Variants in PTPRK observed in about 807,000 individuals in gnomAD.
The protein encoded by PTPRK is receptor-type tyrosine-protein phosphatase kappa.
In PTPRK, 75 loss-of-function variants were observed where a neutral mutation model predicts 178.0. That is an observed-to-expected ratio of 0.42 (90% CI 0.35 to 0.51). The LOEUF (loss-of-function observed/expected upper bound fraction) is 0.51, where lower values mean the gene tolerates loss of function less well. PTPRK is among the 20% of genes least tolerant of loss of function. The probability of loss-of-function intolerance (pLI) is 0.02; values close to 1 mark genes in which losing one functional copy is unlikely to be tolerated. For missense variants in PTPRK, 1,441 were observed against 1,797.8 expected, an observed-to-expected ratio of 0.80 and a Z score of 3.59; for synonymous variants, 637 against 620.6, an observed-to-expected ratio of 1.03 and a Z score of -0.39.
chr6:128,199,129 CA>C (rs1371584691), intron 6 of PTPRK, among the ~76,000 whole-genome samples: 2 of 152,080 alleles, frequency 1.3e-5, no homozygotes, highest in Non-Finnish European at 2.9e-5. Flanking sequence ...CGTGCTACCC[CA>C]AAATGATCCC....
At chr6:128,200,239 A>C (rs1336262940) in intron 6 of PTPRK, among the ~76,000 whole-genome samples, 1 of 152,198 alleles carries the variant, frequency 6.6e-6, no homozygotes, top group Admixed American at 6.5e-5. Context: ...CTGTTAGTTC[A>C]GAGAAAAATT....
chr6:128,058,265 C>A (rs146147558), intron 13 of PTPRK, among the ~76,000 whole-genome samples: 128 of 152,242 alleles, frequency 8.4e-4, no homozygotes, highest in African/African-American at 2.8e-3. Context: ...CAAATTTATA[C>A]CCCCACCAGC....
intron 7 of PTPRK, among the ~76,000 whole-genome samples, chr6:128,112,254 T>A (rs1790792301): frequency 6.6e-6 from 1 of 152,094 alleles, no homozygotes; most frequent in South Asian, 2.1e-4. Flanking sequence ...TTAGTTTGAA[T>A]CACACTGCAG....
At chr6:128,387,338 AT>A (rs1381480366) in intron 2 of PTPRK, among the ~76,000 whole-genome samples, 1 of 152,208 alleles carries the variant, frequency 6.6e-6, no homozygotes, top group Non-Finnish European at 1.5e-5. Context: ...CTTGTAGAAC[AT>A]TTATAGCAAC....
intron 22 of PTPRK, among the ~76,000 whole-genome samples, 200 bp downstream of exon 22, chr6:127,985,521 T>C (rs1775858189): frequency 1.3e-5 from 2 of 152,222 alleles, no homozygotes; most frequent in Admixed American, 1.3e-4. Flanking sequence ...CGCATTAGGA[T>C]GAATGTATGT....
intron 1 of PTPRK, chr6:128,500,939 T>A (rs1008015981): frequency 2.0e-5 from 3 of 152,228 alleles, no homozygotes; most frequent in Admixed American, 2.0e-4. Flanking sequence ...TGCAGTGGCA[T>A]AATCTCGACT....
chr6:128,391,126 T>A (rs9491942), intron 2 of PTPRK, among the ~76,000 whole-genome samples: 2,206 of 128,752 alleles, frequency 0.017, 56 homozygotes, highest in African/African-American at 0.055. Context: ...ATTATTTTTT[T>A]AAAAAAGAAT....
chr6:128,274,042 C>T (rs1407864030), intron 3 of PTPRK, among the ~76,000 whole-genome samples: 2 of 152,076 alleles, frequency 1.3e-5, no homozygotes, highest in Non-Finnish European at 2.9e-5. Context: ...ACTAGACTAA[C>T]AGCCCTAAAG....
intron 6 of PTPRK, among the ~76,000 whole-genome samples, chr6:128,215,758 C>T (rs1809160214): frequency 6.6e-6 from 1 of 152,074 alleles, no homozygotes; most frequent in African/African-American, 2.4e-5. Flanking sequence ...CTTGGGTCAT[C>T]TTTGACAACA....
intron 13 of PTPRK, among the ~76,000 whole-genome samples, chr6:128,012,399 G>T (rs1278060457): frequency 6.6e-6 from 1 of 151,226 alleles, no homozygotes; most frequent in Non-Finnish European, 1.5e-5. Flanking sequence ...TTCAAAGAGA[G>T]CAAAAAGCTA....
At chr6:128,177,040 G>A (rs1801180006) in intron 7 of PTPRK, among the ~76,000 whole-genome samples, 1 of 151,654 alleles carries the variant, frequency 6.6e-6, no homozygotes, top group Non-Finnish European at 1.5e-5. Flanking sequence ...ATTGAAGACA[G>A]AAGTAAATTC....
intron 5 of PTPRK, among the ~76,000 whole-genome samples, chr6:128,236,857 C>T (rs908635899): frequency 6.6e-6 from 1 of 152,106 alleles, no homozygotes; most frequent in African/African-American, 2.4e-5. Context: ...CCAATTCTTA[C>T]AAGAAAGAAC....
chr6:128,139,723 A>C (rs1457448327), intron 7 of PTPRK, among the ~76,000 whole-genome samples: 1 of 152,048 alleles, frequency 6.6e-6, no homozygotes, highest in East Asian at 1.9e-4. Context: ...TCTGGACTTC[A>C]GAATCAACAT....
chr6:128,489,046 C>T (rs1345617852), intron 1 of PTPRK, among the ~76,000 whole-genome samples: 1 of 151,844 alleles, frequency 6.6e-6, no homozygotes. Flanking sequence ...TTTATTTTTA[C>T]CATGAATAGG....
intron 2 of PTPRK, among the ~76,000 whole-genome samples, chr6:128,323,714 A>G (rs17055679): frequency 2.0e-5 from 3 of 152,084 alleles, no homozygotes; most frequent in Non-Finnish European, 4.4e-5. Flanking sequence ...TTTTGGGAAG[A>G]TTTCTGTAAC....
At chr6:128,193,947 A>T (rs970659753) in intron 6 of PTPRK, among the ~76,000 whole-genome samples, 1 of 151,852 alleles carries the variant, frequency 6.6e-6, no homozygotes, top group Admixed American at 6.5e-5. Context: ...TTTAGCTCAT[A>T]ATCAAACTAT....
chr6:128,414,907 A>G (rs999342294), intron 1 of PTPRK, among the ~76,000 whole-genome samples: 3 of 152,208 alleles, frequency 2.0e-5, no homozygotes, highest in African/African-American at 7.2e-5. Context: ...TTCATTTAAT[A>G]TTTACAAACA....
At chr6:128,262,837 G>A (rs1483608137) in intron 3 of PTPRK, among the ~76,000 whole-genome samples, 7 of 132,038 alleles carry the variant, frequency 5.3e-5, no homozygotes, top group African/African-American at 2.3e-4. Context: ...GAATTTTTAG[G>A]TGGGTCCAAA....
At chr6:128,258,696 A>T (rs1275050125) in intron 3 of PTPRK, among the ~76,000 whole-genome samples, 1 of 152,244 alleles carries the variant, frequency 6.6e-6, no homozygotes, top group African/African-American at 2.4e-5. Flanking sequence ...GAGGCAAAGG[A>T]GTTAACGAAC....
Sources: gnomAD v4.1 joint callset for allele counts (sites outside exome capture counted in the v4.1 genomes callset) on GRCh38, gnomAD v4.1.1 for gene constraint, MANE v1.5 for transcripts, NCBI Gene and HGNC (gene_info 2026-07-23, HGNC 2026-07-21) for gene names.